Variants in SYT14 observed in about 807,000 individuals in gnomAD.
SYT14 encodes the protein synaptotagmin 14, also known as synaptotagmin-14.
A neutral mutation model predicts 74.2 loss-of-function variants in SYT14; 32 were observed. That is an observed-to-expected ratio of 0.43 (90% CI 0.33 to 0.58). The LOEUF (loss-of-function observed/expected upper bound fraction) is 0.58, where lower values mean the gene tolerates loss of function less well. Ranked by LOEUF, SYT14 falls within the 20% of genes least tolerant of loss-of-function variation. The pLI, the probability that SYT14 is intolerant of heterozygous loss-of-function variation, is 0.05. For missense variants in SYT14, 791 were observed against 981.8 expected (o/e 0.81, Z 2.60); for synonymous variants, 298 against 337.7 (o/e 0.88, Z 1.29).
intron 5 of SYT14, among the ~76,000 whole-genome samples, chr1:210,022,830 G>A (rs143323225): frequency 2.0e-4 from 30 of 152,062 alleles, no homozygotes; most frequent in African/African-American, 5.8e-4. Context: ...GGTACGTTTC[G>A]GATTTATTTT....
In SYT14 at chr1:210,155,928, TTTTTAATTC is replaced by T. The variant is rs1416918485; in HGVS notation, c.2224+20_2224+28del. On this transcript the variant is annotated intron_variant, in intron 8 of 9. Transcript: ENST00000637265. ...ACCACCCAGTGAGTGAAAAATAATT[TTTTTAATTC>T]TAATGTTTTCTGCACTTTTGGGACT... 6.2e-6 allele frequency: 10 copies of T among 1,613,010 alleles called. No individual in the cohort carries two copies. The highest frequency in any genetic ancestry group is 8.5e-6 in the Non-Finnish European group (10 of 1,179,332).
At chr1:210,043,791 G>C (rs935924297) in intron 5 of SYT14, among the ~76,000 whole-genome samples, 5 of 152,116 alleles carry the variant, frequency 3.3e-5, no homozygotes, top group Non-Finnish European at 5.9e-5. Flanking sequence ...TACTCAGAGG[G>C]AATATCTGGT....
intron 5 of SYT14, among the ~76,000 whole-genome samples, chr1:210,067,704 T>G (rs1321262736): frequency 6.6e-6 from 1 of 151,976 alleles, no homozygotes; most frequent in East Asian, 1.9e-4. Context: ...TCATCAATGC[T>G]TACATTTGCT....
At chr1:210,162,062 A>G (rs953991234) in exon 10 of SYT14, 1 of 442,990 alleles carries the variant, frequency 2.3e-6, no homozygotes, top group Admixed American at 2.4e-5. Flanking sequence ...CTCTCTCTAA[A>G]TCTTCACTCT....
rs569330903 is a variant in SYT14 at position 209,975,469 on chromosome 1, T to C, written c.-486+22713T>C. ...TTCTGCATCTATTGAGATAATCATG[T>C]GGTTTTTGTCATTGGTTCTGTATAT... On this transcript the variant is annotated intron_variant, in intron 2 of 9. Transcript: ENST00000637265. Among the ~76,000 whole-genome samples the C allele has an allele frequency of 2.6e-5, 4 of 152,336 alleles. No homozygotes were observed. In the South Asian group the frequency reaches 8.3e-4, roughly 32 times the overall value.
intron 5 of SYT14, among the ~76,000 whole-genome samples, chr1:210,074,808 G>A (rs917754283): frequency 1.3e-5 from 2 of 152,164 alleles, no homozygotes; most frequent in East Asian, 1.9e-4. Context: ...TGACCCCATG[G>A]CAGTGTCTAG....
chr1:210,104,716 TATTG>T (rs1169505609), intron 7 of SYT14, among the ~76,000 whole-genome samples: 1 of 152,226 alleles, frequency 6.6e-6, no homozygotes, highest in Non-Finnish European at 1.5e-5. Flanking sequence ...TTATTACATT[TATTG>T]ATTGATTAAT....
At chr1:210,146,723 C>T (rs1379948218) in intron 7 of SYT14, among the ~76,000 whole-genome samples, 4 of 150,944 alleles carry the variant, frequency 2.6e-5, no homozygotes, top group Non-Finnish European at 5.9e-5. Context: ...ATATGATGTA[C>T]ATACGTAGTA....
chr1:210,064,486 A>T (rs1244813873), intron 5 of SYT14, among the ~76,000 whole-genome samples: 2 of 152,030 alleles, frequency 1.3e-5, no homozygotes, highest in Non-Finnish European at 2.9e-5. Context: ...ATGAATTTAT[A>T]TGTTACAAAT....
At chr1:210,156,680 CTTCT>C (rs2083273473) in intron 8 of SYT14, among the ~76,000 whole-genome samples, 3 of 93,756 alleles carry the variant, frequency 3.2e-5, no homozygotes, top group African/African-American at 1.2e-4. Context: ...AAAGTGGCAG[CTTCT>C]TTTTTTTTTT....
intron 5 of SYT14, among the ~76,000 whole-genome samples, chr1:210,086,838 A>G (rs972215461): frequency 6.6e-6 from 1 of 152,196 alleles, no homozygotes; most frequent in African/African-American, 2.4e-5. Context: ...TCCAATTCCA[A>G]TCCAACACCA....
intron 2 of SYT14, among the ~76,000 whole-genome samples, chr1:210,011,870 C>T (rs2102915154): frequency 6.6e-6 from 1 of 152,260 alleles, no homozygotes; most frequent in South Asian, 2.1e-4. Flanking sequence ...ATCTGTAAGG[C>T]ATGGAGGATA....
chr1:210,102,368 A>G (rs1194534504), intron 7 of SYT14, among the ~76,000 whole-genome samples: 1 of 152,084 alleles, frequency 6.6e-6, no homozygotes, highest in Non-Finnish European at 1.5e-5. Context: ...ATGCTTCTCA[A>G]ATTCAGTACC....
chr1:210,056,531 T>G (rs542885543), intron 5 of SYT14, among the ~76,000 whole-genome samples: 12 of 151,780 alleles, frequency 7.9e-5, no homozygotes, highest in African/African-American at 1.4e-4. Flanking sequence ...AAAGTTTTTT[T>G]GGGGCCGGGC....
intron 1 of SYT14, among the ~76,000 whole-genome samples, chr1:209,947,521 A>G (rs1388675963): frequency 6.6e-6 from 1 of 152,216 alleles, no homozygotes; most frequent in African/African-American, 2.4e-5. Context: ...TTAGAAGTGG[A>G]GCCTGAATAT....
At chr1:210,113,059 C>T (rs890071706) in intron 7 of SYT14, among the ~76,000 whole-genome samples, 2 of 151,294 alleles carry the variant, frequency 1.3e-5, no homozygotes, top group Non-Finnish European at 2.9e-5. Flanking sequence ...AGCCGCCGCA[C>T]GCAGACATGA....
intron 2 of SYT14, among the ~76,000 whole-genome samples, chr1:209,990,551 A>ATATATATATATACATATATATACG (rs1558114685): frequency 1.8e-5 from 2 of 113,130 alleles, no homozygotes; most frequent in African/African-American, 3.0e-5. Flanking sequence ...ATATATATGT[A>ATATATATATATACATATATATACG]TATATATACG....
At chr1:209,985,065 C>T (rs766795441) in intron 2 of SYT14, among the ~76,000 whole-genome samples, 3 of 152,176 alleles carry the variant, frequency 2.0e-5, no homozygotes, top group Non-Finnish European at 4.4e-5. Context: ...CCACCCCTGG[C>T]CCCACAAAAT....
At chr1:210,021,432 A>AC (rs1271504089) in intron 5 of SYT14, among the ~76,000 whole-genome samples, 178 bp downstream of exon 4, 1 of 152,238 alleles carries the variant, frequency 6.6e-6, no homozygotes, top group African/African-American at 2.4e-5. Context: ...AAAAATCAAA[A>AC]CCAATACCAA....
Sources: allele counts gnomAD v4.1 joint callset (sites outside exome capture counted in the v4.1 genomes callset), GRCh38; gene constraint gnomAD v4.1.1; transcripts MANE v1.5; gene names NCBI Gene and HGNC (gene_info 2026-07-23, HGNC 2026-07-21).